ATP8A1: variants seen among roughly 807,000 people sequenced by gnomAD.
ATP8A1 encodes phospholipid-transporting ATPase IA.
ATP8A1 carries 90 observed loss-of-function variants against 177.7 expected under a neutral mutation model. The observed-to-expected ratio is 0.51, with a 90% CI of 0.43 to 0.60. The LOEUF (loss-of-function observed/expected upper bound fraction) is 0.60. ATP8A1 is among the 20% of genes least tolerant of loss of function. ATP8A1 has a pLI of 0.00. For missense variants in ATP8A1, 1,072 were observed against 1,392.8 expected (o/e 0.77, Z 3.67); for synonymous variants, 493 against 485.9 (o/e 1.01, Z -0.19).
intron 25 of ATP8A1, among the ~76,000 whole-genome samples, chr4:42,465,616 T>C (rs1359713794): frequency 1.3e-5 from 2 of 152,200 alleles, no homozygotes; most frequent in Non-Finnish European, 2.9e-5. Context: ...CAAGTAAAAA[T>C]CAAGCAACCT....
intron 15 of ATP8A1, among the ~76,000 whole-genome samples, chr4:42,556,484 T>TATGA (rs1730250270): frequency 6.6e-6 from 1 of 152,132 alleles, no homozygotes; most frequent in African/African-American, 2.4e-5. Context: ...ATGAAAACCA[T>TATGA]ATGAAATATA....
chr4:42,413,069 T>C (rs1404168125), intron 36 of ATP8A1, 56 bp from the exon 37 acceptor site: 2 of 1,450,754 alleles, frequency 1.4e-6, no homozygotes, highest in Admixed American at 1.8e-5. Context: ...ACCACCGTTA[T>C]TCTGACTTTT....
intron 24 of ATP8A1, among the ~76,000 whole-genome samples, chr4:42,502,419 TAAA>T (rs1723945344): frequency 6.6e-6 from 1 of 152,180 alleles, no homozygotes. Context: ...GCTTGATACT[TAAA>T]ACATTTAAAG....
chr4:42,505,330 C>A (rs556994003), intron 23 of ATP8A1, among the ~76,000 whole-genome samples: 1 of 152,186 alleles, frequency 6.6e-6, no homozygotes, highest in South Asian at 2.1e-4. Context: ...CCAGAAACCA[C>A]TACTATACTC....
intron 5 of ATP8A1, among the ~76,000 whole-genome samples, chr4:42,607,057 T>C (rs1224617094): frequency 6.6e-6 from 1 of 152,222 alleles, no homozygotes; most frequent in Non-Finnish European, 1.5e-5. Context: ...TACACTGGGT[T>C]GGAATCCTAA....
In ATP8A1 at chr4:42,512,406, G is replaced by T. The variant is rs576883955; in HGVS notation, c.1948-5252C>A. ...CCTATTCCTACCTGCAGGCCTCAGGGTCACATTTCAGGATTAGCTCCTTTA... is the reference window on the plus strand; with the variant it reads ...CCTATTCCTACCTGCAGGCCTCAGGTTCACATTTCAGGATTAGCTCCTTTA... On this transcript the variant is annotated intron_variant, in intron 22 of 36. Transcript: ENST00000381668. Among the ~76,000 whole-genome samples the T allele has an allele frequency of 2.0e-5, 3 of 152,236 alleles. No homozygotes were observed. The South Asian group carries it at 6.2e-4, about 32-fold the overall frequency.
intron 22 of ATP8A1, among the ~76,000 whole-genome samples, chr4:42,519,283 A>C (rs143301912): frequency 4.0e-4 from 61 of 152,018 alleles, no homozygotes; most frequent in African/African-American, 1.3e-3. Flanking sequence ...ACAGAGATGG[A>C]GTCTCCCCCT....
At chr4:42,457,518 T>C (rs574544091) in intron 27 of ATP8A1, among the ~76,000 whole-genome samples, 2 of 152,304 alleles carry the variant, frequency 1.3e-5, no homozygotes, top group South Asian at 2.1e-4. Flanking sequence ...AGTCTAACCT[T>C]TGTTGGTCTG....
At chr4:42,496,816 A>G (rs975508964) in intron 24 of ATP8A1, among the ~76,000 whole-genome samples, 6 of 151,866 alleles carry the variant, frequency 4.0e-5, no homozygotes, top group Non-Finnish European at 8.8e-5. Flanking sequence ...CCCCCCACAC[A>G]TATATACGTA....
intron 6 of ATP8A1, among the ~76,000 whole-genome samples, chr4:42,594,951 C>A (rs183497343): frequency 6.6e-6 from 1 of 152,200 alleles, no homozygotes; most frequent in African/African-American, 2.4e-5. Flanking sequence ...CTTCATTGTA[C>A]TACCTCTTAG....
intron 11 of ATP8A1, 102 bp downstream of exon 11, chr4:42,579,711 A>AGGG: frequency 9.5e-7 from 1 of 1,055,622 alleles, no homozygotes. Flanking sequence ...CTTGGCAACA[A>AGGG]GGTCTTTTTA....
chr4:42,628,179 G>A (rs1386432130), intron 1 of ATP8A1, among the ~76,000 whole-genome samples: 1 of 152,116 alleles, frequency 6.6e-6, no homozygotes, highest in African/African-American at 2.4e-5. Context: ...GTGGTTGACT[G>A]TTTTTTGGGG....
rs1400410235 is a variant in ATP8A1, at chr4:42,455,615, C to CA, written c.2620-17dup. The CA allele has an allele frequency of 6.2e-7, 1 of 1,607,848 alleles. No homozygotes were observed. The highest frequency in any genetic ancestry group is 1.3e-5 in the African/African-American group (1 of 74,416). ...CAAACCAGATCTAGGAAAAAAAACC[C>CA]AAAACCCCCAAATTAGAATACAAAA... is the stretch of plus-strand genomic sequence containing the variant. On this transcript the variant is annotated splice_polypyrimidine_tract_variant and intron_variant, in intron 27 of 36. Transcript: ENST00000381668.
intron 20 of ATP8A1, among the ~76,000 whole-genome samples, chr4:42,539,919 C>T (rs970991178): frequency 1.3e-5 from 2 of 152,104 alleles, no homozygotes; most frequent in African/African-American, 2.4e-5. Flanking sequence ...ATCTTGAAAA[C>T]ACAGGCAACA....
intron 20 of ATP8A1, among the ~76,000 whole-genome samples, chr4:42,541,448 G>A (rs190382892): frequency 1.3e-5 from 2 of 152,262 alleles, no homozygotes; most frequent in East Asian, 3.9e-4. Flanking sequence ...ATAGCCACTT[G>A]GAAGACAGTT....
intron 33 of ATP8A1, among the ~76,000 whole-genome samples, chr4:42,441,391 A>G (rs1251106233): frequency 6.6e-6 from 1 of 152,104 alleles, no homozygotes; most frequent in Non-Finnish European, 1.5e-5. Flanking sequence ...TGATTGAGAT[A>G]AGAATTTTAA....
At chr4:42,475,552 T>C (rs62304293) in intron 25 of ATP8A1, among the ~76,000 whole-genome samples, 24,242 of 150,528 alleles carry the variant, frequency 0.16, 2,479 homozygotes, top group Non-Finnish European at 0.22. Flanking sequence ...GAAATCTTTA[T>C]ATATGACAGT....
At chr4:42,448,308 C>A (rs1560335043) in intron 30 of ATP8A1, among the ~76,000 whole-genome samples, 1 of 151,324 alleles carries the variant, frequency 6.6e-6, no homozygotes, top group South Asian at 2.1e-4. Flanking sequence ...AAGAAGAAGA[C>A]TATTTTAATA....
At chr4:42,421,772 G>A (rs1713962550) in intron 35 of ATP8A1, among the ~76,000 whole-genome samples, 1 of 151,974 alleles carries the variant, frequency 6.6e-6, no homozygotes, top group African/African-American at 2.4e-5. Flanking sequence ...ATTTCCTATA[G>A]TTTAGCCAAA....
Sources: allele counts gnomAD v4.1 joint callset (sites outside exome capture counted in the v4.1 genomes callset), GRCh38; gene constraint gnomAD v4.1.1; transcripts MANE v1.5; gene names NCBI Gene and HGNC (gene_info 2026-07-23, HGNC 2026-07-21).